The following RALYL variants were observed in gnomAD, a reference collection of about 807,000 sequenced individuals.
RALYL encodes the protein RALY RNA binding protein like, also known as RNA-binding Raly-like protein.
In RALYL, 29 loss-of-function variants were observed where a neutral mutation model predicts 35.1. The ratio of observed to expected loss-of-function variants is 0.83; its 90% confidence interval spans 0.61 to 1.13. The LOEUF (loss-of-function observed/expected upper bound fraction) is 1.13, where lower values mean the gene tolerates loss of function less well. Among genes scored for constraint, RALYL ranks in the 50% most tolerant of loss-of-function variants. The probability of loss-of-function intolerance (pLI) is 0.00; values close to 1 mark genes in which losing one functional copy is unlikely to be tolerated. For synonymous variants in RALYL, 120 were observed against 127.6 expected (o/e 0.94, Z 0.40); for missense variants, 359 against 360.4 (o/e 1.00, Z 0.03).
chr8:84,377,267 C>G (rs1338790483), intron 1 of RALYL, among the ~76,000 whole-genome samples: 1 of 151,634 alleles, frequency 6.6e-6, no homozygotes, highest in Non-Finnish European at 1.5e-5. Flanking sequence ...TTGGAACACA[C>G]TGACTTACAA....
chr8:84,590,102 CATCAG>C (rs1812908554), intron 2 of RALYL, among the ~76,000 whole-genome samples: 1 of 152,112 alleles, frequency 6.6e-6, no homozygotes, highest in Admixed American at 6.5e-5. Flanking sequence ...TTTAAAGAGA[CATCAG>C]ATCATCAATT....
At chr8:84,719,080 C>G (rs1843417750) in intron 2 of RALYL, among the ~76,000 whole-genome samples, 1 of 152,086 alleles carries the variant, frequency 6.6e-6, no homozygotes, top group Non-Finnish European at 1.5e-5. Context: ...CTGCTGGTGG[C>G]TGGTAGAGTT....
chr8:84,378,592 T>A (rs539765230), intron 1 of RALYL, among the ~76,000 whole-genome samples: 2 of 152,054 alleles, frequency 1.3e-5, no homozygotes, highest in South Asian at 2.1e-4. Context: ...GCAGCAAAGT[T>A]ATTTGTTGAT....
chr8:84,311,782 A>G (rs1030930513), intron 1 of RALYL, among the ~76,000 whole-genome samples: 9 of 152,228 alleles, frequency 5.9e-5, no homozygotes, highest in Non-Finnish European at 1.2e-4. Context: ...ACAATATTTC[A>G]ATCATTTAAG....
intron 1 of RALYL, among the ~76,000 whole-genome samples, chr8:84,401,510 C>G (rs370967204): frequency 1.3e-5 from 2 of 151,382 alleles, no homozygotes; most frequent in African/African-American, 4.9e-5. Flanking sequence ...CGGTGGCGGG[C>G]GCCTGTAATC....
At chr8:84,246,879 T>G (rs1829210294) in intron 1 of RALYL, among the ~76,000 whole-genome samples, 1 of 152,158 alleles carries the variant, frequency 6.6e-6, no homozygotes, top group Admixed American at 6.5e-5. Flanking sequence ...CCATCAGTAT[T>G]ATTTTCTAAT....
intron 1 of RALYL, among the ~76,000 whole-genome samples, chr8:84,300,285 C>T (rs765531047): frequency 1.3e-5 from 2 of 151,734 alleles, no homozygotes; most frequent in African/African-American, 4.8e-5. Context: ...ATTTTTGTTG[C>T]ACTGTAGTCT....
intron 3 of RALYL, among the ~76,000 whole-genome samples, chr8:84,802,903 AG>A (rs1307784275): frequency 1.3e-5 from 2 of 152,166 alleles, no homozygotes; most frequent in African/African-American, 4.8e-5. Flanking sequence ...TGGAATGCAG[AG>A]GGGGACATGA....
At chr8:84,604,957 G>A (rs1467851076) in intron 2 of RALYL, among the ~76,000 whole-genome samples, 1 of 144,294 alleles carries the variant, frequency 6.9e-6, no homozygotes, top group Non-Finnish European at 1.5e-5. Context: ...ACTATGCTGG[G>A]ACATTCTGTT....
At chr8:84,808,778 G>A (rs927867794) in intron 4 of RALYL, among the ~76,000 whole-genome samples, 1 of 152,084 alleles carries the variant, frequency 6.6e-6, no homozygotes, top group African/African-American at 2.4e-5. Context: ...TCGTAAAGTG[G>A]ATTGCGTTTT....
chr8:84,318,228 G>A (rs752278219), intron 1 of RALYL, among the ~76,000 whole-genome samples: 5 of 152,154 alleles, frequency 3.3e-5, no homozygotes, highest in Non-Finnish European at 7.4e-5. Flanking sequence ...TGCACAAGCT[G>A]CATGCCTGTG....
chr8:84,646,811 GCACCA>G (rs1277284098), intron 2 of RALYL, among the ~76,000 whole-genome samples: 2 of 151,872 alleles, frequency 1.3e-5, no homozygotes, highest in Admixed American at 1.3e-4. Context: ...GCCACTTCTG[GCACCA>G]CTTACTTTCG....
At chr8:84,903,476 A>G (rs1846018749) in intron 8 of RALYL, among the ~76,000 whole-genome samples, 1 of 151,976 alleles carries the variant, frequency 6.6e-6, no homozygotes, top group Non-Finnish European at 1.5e-5. Context: ...TGCCCTAAAC[A>G]CAGAGAGACA....
chr8:84,226,349 A>C (rs1266632171), intron 1 of RALYL, among the ~76,000 whole-genome samples: 3 of 152,130 alleles, frequency 2.0e-5, no homozygotes, highest in African/African-American at 7.2e-5. Context: ...AAAAGGTTGG[A>C]GATCGCTGGT....
At chr8:84,648,072 G>C (rs371207523) in intron 2 of RALYL, among the ~76,000 whole-genome samples, 13 of 152,122 alleles carry the variant, frequency 8.5e-5, no homozygotes, top group African/African-American at 3.1e-4. Context: ...TTGTGTTAGG[G>C]ACTCTCCAGC....
chr8:84,413,617 A>G (rs2044319155), intron 1 of RALYL, among the ~76,000 whole-genome samples: 1 of 152,002 alleles, frequency 6.6e-6, no homozygotes, highest in South Asian at 2.1e-4. Context: ...TATAAACCTT[A>G]TAAAGTTGTC....
intron 1 of RALYL, among the ~76,000 whole-genome samples, chr8:84,232,931 C>T (rs1825692480): frequency 6.6e-6 from 1 of 152,052 alleles, no homozygotes; most frequent in Non-Finnish European, 1.5e-5. Context: ...TTCGCATACT[C>T]AAGATAAAAT....
chr8:84,745,721 A>AT (rs1036716172), intron 2 of RALYL, among the ~76,000 whole-genome samples: 1 of 152,008 alleles, frequency 6.6e-6, no homozygotes, highest in African/African-American at 2.4e-5. Flanking sequence ...GAAAACTGTA[A>AT]TTTTGTCTTT....
chr8:84,577,992 G>A (rs1809873894), intron 2 of RALYL, among the ~76,000 whole-genome samples: 1 of 152,192 alleles, frequency 6.6e-6, no homozygotes, highest in Non-Finnish European at 1.5e-5. Flanking sequence ...TGGTGCCTTT[G>A]CCTGAGTTTT....
Sources: allele counts gnomAD v4.1 joint callset (sites outside exome capture counted in the v4.1 genomes callset), GRCh38; gene constraint gnomAD v4.1.1; transcripts MANE v1.5; gene names NCBI Gene and HGNC (gene_info 2026-07-23, HGNC 2026-07-21).